The following GAB1 variants were observed in gnomAD, a reference collection of about 807,000 sequenced individuals.
GAB1 encodes GRB2-associated-binding protein 1.
GAB1 carries 19 observed loss-of-function variants against 66.5 expected under a neutral mutation model. The ratio of observed to expected loss-of-function variants is 0.29; its 90% CI spans 0.20 to 0.42. The LOEUF (loss-of-function observed/expected upper bound fraction) is 0.42, where lower values mean the gene tolerates loss of function less well. Among genes scored for constraint, GAB1 ranks in the 10% least tolerant of loss-of-function variants. The pLI is 1.00. For missense variants in GAB1, 732 were observed against 858.5 expected (o/e 0.85, Z 1.84); for synonymous variants, 294 against 301.4 (o/e 0.98, Z 0.25).
At chr4:143,460,268 C>A in intron 7 of GAB1, 96 bp from the exon 8 acceptor site, 2 of 1,191,250 alleles carry the variant, frequency 1.7e-6, no homozygotes, top group Admixed American at 1.8e-5. Context: ...GGGAATATTT[C>A]TGAAAGAATG....
intron 1 of GAB1, among the ~76,000 whole-genome samples, chr4:143,381,415 A>G (rs1437702580): frequency 6.6e-6 from 1 of 152,162 alleles, no homozygotes; most frequent in Non-Finnish European, 1.5e-5. Context: ...TGTAAGCACT[A>G]GAAAGATTCA....
At chr4:143,342,510 T>G (rs2149641130) in intron 1 of GAB1, among the ~76,000 whole-genome samples, 1 of 151,656 alleles carries the variant, frequency 6.6e-6, no homozygotes, top group African/African-American at 2.4e-5. Flanking sequence ...ATTGACAATT[T>G]GCAGACTGAG....
intron 1 of GAB1, among the ~76,000 whole-genome samples, chr4:143,371,749 G>A (rs928894591): frequency 6.6e-6 from 1 of 152,136 alleles, no homozygotes. Flanking sequence ...AAGGGATCCA[G>A]TTTCAGCTTT....
chr4:143,337,950 G>A (rs2149638189), intron 1 of GAB1, among the ~76,000 whole-genome samples: 1 of 152,346 alleles, frequency 6.6e-6, no homozygotes, highest in South Asian at 2.1e-4. Context: ...GGGGAGCCTA[G>A]TGGCTGGTGT....
At position 143,465,990 on chromosome 4, in the gene GAB1, T is replaced by C. The variant is rs1735759855; in HGVS notation, c.1804-113T>C. 4.2e-5 allele frequency: 49 copies of C among 1,173,372 alleles called. 1 individual carries two copies. The Middle Eastern group carries it at 1.2e-3, about 29-fold the overall frequency. 72.7% of individuals were successfully genotyped at this position (1,173,372 alleles called of 1,614,324 possible). Reference sequence around the variant, plus strand: ...TCTATCCTAAAAGGTTGTTTAACTTTTTAAGCTATGTCCTCTTGAAAGCAA... The same window carrying C: ...TCTATCCTAAAAGGTTGTTTAACTTCTTAAGCTATGTCCTCTTGAAAGCAA... On this transcript the variant is annotated intron_variant, in intron 8 of 9. Coordinates refer to ENST00000262994, the MANE Select transcript of GAB1 (RefSeq NM_002039.4).
At chr4:143,355,576 A>G (rs1393158910) in intron 1 of GAB1, among the ~76,000 whole-genome samples, 17 of 152,134 alleles carry the variant, frequency 1.1e-4, no homozygotes, top group Non-Finnish European at 1.0e-4. Flanking sequence ...ATTGGAAACA[A>G]CAGAAGGGTC....
At position 143,433,728 on chromosome 4, in the gene GAB1, A is replaced by G; in HGVS notation, c.593+12A>G. The G allele has an allele frequency of 6.3e-7, 1 of 1,585,724 alleles. No individual in the cohort carries two copies. The highest frequency in any genetic ancestry group is 8.7e-7 in the Non-Finnish European group (1 of 1,154,270). On this transcript the variant is annotated intron_variant, in intron 3 of 9. Coordinates refer to ENST00000262994, the MANE Select transcript of GAB1 (RefSeq NM_002039.4). ...CCCGAACCCACCAGGTAAATTATAT[A>G]TGCCCATGTGAGAGAGAGACAGAGG... is the stretch of plus-strand genomic sequence containing the variant.
Position 143,434,109 on chromosome 4 carries a change from TGAA to T in GAB1, c.593+398_593+400del, listed in dbSNP as rs773197625. On this transcript the variant is annotated intron_variant, in intron 3 of 9. Coordinates refer to ENST00000262994, the MANE Select transcript of GAB1 (RefSeq NM_002039.4). ...CCAGCCAAGGGTCATCTTTTGTTTCTGAAGAAGGAGAGGAATACCTTCTACTAG... is the reference window on the plus strand; with the variant it reads ...CCAGCCAAGGGTCATCTTTTGTTTCTGAAGGAGAGGAATACCTTCTACTAG... 35 of 1,293,718 alleles carry T rather than the reference TGAA, an allele frequency of 2.7e-5. No homozygotes were observed. In the South Asian group the frequency reaches 3.0e-4, roughly 11 times the overall value. The allele number at this position is 1,293,718 out of a possible 1,614,324, so 80.1% of individuals were successfully genotyped here. A position where few individuals can be genotyped will look rare whatever the true frequency, so the allele number is the denominator to read the frequency against.
chr4:143,361,772 T>C (rs1560718825), intron 1 of GAB1, among the ~76,000 whole-genome samples: 1 of 152,192 alleles, frequency 6.6e-6, no homozygotes. Context: ...CGGTTCTTAC[T>C]ATTTGTAACT....
At chr4:143,385,853 G>A (rs1317561370) in intron 1 of GAB1, among the ~76,000 whole-genome samples, 2 of 152,172 alleles carry the variant, frequency 1.3e-5, no homozygotes, top group African/African-American at 2.4e-5. Flanking sequence ...AAATAAAAGT[G>A]TATTGGCCGG....
At chr4:143,438,758 A>T (rs1734074228) in intron 4 of GAB1, among the ~76,000 whole-genome samples, 158 bp downstream of exon 4, 1 of 152,154 alleles carries the variant, frequency 6.6e-6, no homozygotes, top group Non-Finnish European at 1.5e-5. Context: ...TATTGCATTC[A>T]TGCTCTGCTG....
chr4:143,371,008 T>C (rs1265838536), intron 1 of GAB1, among the ~76,000 whole-genome samples: 1 of 152,242 alleles, frequency 6.6e-6, no homozygotes, highest in East Asian at 1.9e-4. Flanking sequence ...GCAATAAACA[T>C]ATGTCCGCAT....
At chr4:143,389,730 A>G (rs148881639) in intron 1 of GAB1, among the ~76,000 whole-genome samples, 10 of 152,354 alleles carry the variant, frequency 6.6e-5, no homozygotes, top group Non-Finnish European at 1.3e-4. Flanking sequence ...GTACTCATCA[A>G]ACAGTAAGTG....
chr4:143,373,868 A>AATAAATATATATATAT lies in GAB1; in HGVS notation c.72+36611_72+36612insAATATATATATATATA. ...CTCTCTCTCTCTCTGTAAATAAATA[A>AATAAATATATATATAT]ATATATATATATATATATTTTTACC... On this transcript the variant is annotated intron_variant, in intron 1 of 9. Transcript: ENST00000262994. Among the ~76,000 whole-genome samples, 131 of 93,694 alleles carry AATAAATATATATATAT rather than the reference A, an allele frequency of 1.4e-3. 5 individuals carry two copies. The highest frequency in any genetic ancestry group is 5.8e-3 in the African/African-American group (125 of 21,610). The allele number at this position is 93,694 out of a possible 152,430, so 61.5% of individuals were successfully genotyped here. A position where few individuals can be genotyped will look rare whatever the true frequency, so the allele number is the denominator to read the frequency against.
At chr4:143,456,193 T>C (rs368697447) in intron 6 of GAB1, among the ~76,000 whole-genome samples, 73 of 152,296 alleles carry the variant, frequency 4.8e-4, no homozygotes, top group East Asian at 9.7e-4. Context: ...CGCGGTGGCT[T>C]ACGCCTGTAA....
intron 2 of GAB1, among the ~76,000 whole-genome samples, chr4:143,421,892 T>G (rs1190330538): frequency 6.6e-6 from 1 of 152,066 alleles, no homozygotes; most frequent in African/African-American, 2.4e-5. Flanking sequence ...TCCAAGAATA[T>G]TTCACAATCT....
At chr4:143,432,326 T>C (rs375891123) in intron 2 of GAB1, among the ~76,000 whole-genome samples, 1 of 152,208 alleles carries the variant, frequency 6.6e-6, no homozygotes, top group African/African-American at 2.4e-5. Flanking sequence ...ATCTTACCCT[T>C]TCTCATGCCC....
intron 2 of GAB1, among the ~76,000 whole-genome samples, chr4:143,423,425 C>T (rs1232193989): frequency 3.3e-5 from 5 of 152,006 alleles, no homozygotes; most frequent in African/African-American, 1.2e-4. Flanking sequence ...CAGCTGGGCA[C>T]GGTGGCTCAC....
intron 1 of GAB1, among the ~76,000 whole-genome samples, chr4:143,357,085 T>A (rs1729474964): frequency 6.6e-6 from 1 of 152,194 alleles, no homozygotes; most frequent in African/African-American, 2.4e-5. Flanking sequence ...TTTTTGTCTT[T>A]GCAGAATTTA....
Sources: allele counts gnomAD v4.1 joint callset (sites outside exome capture counted in the v4.1 genomes callset), GRCh38; gene constraint gnomAD v4.1.1; transcripts MANE v1.5; gene names NCBI Gene and HGNC (gene_info 2026-07-23, HGNC 2026-07-21).